EFEMP1: variants seen among roughly 807,000 people sequenced by gnomAD.
EFEMP1 encodes EGF-containing fibulin-like extracellular matrix protein 1.
In EFEMP1, 18 loss-of-function variants were observed where a neutral mutation model predicts 65.7. The ratio of observed to expected loss-of-function variants is 0.27; its 90% CI spans 0.19 to 0.41. The LOEUF is 0.41. EFEMP1 is among the 10% of genes least tolerant of loss of function. The pLI is 1.00. For synonymous variants in EFEMP1, 237 were observed against 219.7 expected (o/e 1.08, Z -0.70); for missense variants, 469 against 624.8 (o/e 0.75, Z 2.66).
At chr2:55,874,655 T>C (rs55818621) in intron 9 of EFEMP1, among the ~76,000 whole-genome samples, 4,382 of 152,124 alleles carry the variant, frequency 0.029, 123 homozygotes, top group South Asian at 0.14. Flanking sequence ...CTGAATCTTT[T>C]CCAGTGGATG....
At chr2:55,901,074 G>C (rs1354971166) in intron 5 of EFEMP1, among the ~76,000 whole-genome samples, 1 of 152,188 alleles carries the variant, frequency 6.6e-6, no homozygotes, top group Non-Finnish European at 1.5e-5. Flanking sequence ...TAAACATAAA[G>C]GTGATGATTC....
rs1670942627 is a variant in EFEMP1, at chr2:55,922,573, C to T, written c.-7-126G>A. The T allele has an allele frequency of 4.6e-6, 4 of 867,650 alleles. No individual in the cohort carries two copies. The East Asian group carries it at 7.9e-5, about 17-fold the overall frequency. 53.7% of individuals were successfully genotyped at this position (867,650 alleles called of 1,614,324 possible). ...GCTGAGGCTCCACCATACTCAACTT[C>T]CAATCTGCTTTCTCATCTCCCCTCC... On this transcript the variant is annotated intron_variant, in intron 2 of 11. Transcript: ENST00000355426. This position sits in a 1 kb window ranked among gnomAD's most constrained non-coding sequence, Gnocchi z 5.5.
Position 55,903,418 on chromosome 2 carries a change from T to C in EFEMP1, c.517+14247A>G, listed in dbSNP as rs181933603. Reference sequence around the variant, plus strand: ...GAAGATGAAGAATCCATTAGACATATCAGTTTCTTGGTAGGAAGGATACTG... The same window carrying C: ...GAAGATGAAGAATCCATTAGACATACCAGTTTCTTGGTAGGAAGGATACTG... On this transcript the variant is annotated intron_variant, in intron 5 of 11. Transcript: ENST00000355426. Among the ~76,000 whole-genome samples, 306 of 152,314 alleles carry C rather than the reference T, an allele frequency of 2.0e-3. 3 individuals carry two copies. The highest frequency in any genetic ancestry group is 1.0e-3 in the Non-Finnish European group (68 of 68,028).
rs1016902212 is a variant in EFEMP1 at position 55,921,694 on chromosome 2, C to T, written c.81+666G>A. ...AATATTTTATTAAACATTGGTTACA[C>T]CTATGCAACTAACTAATCAAATATT... On this transcript the variant is annotated intron_variant, in intron 3 of 11. Transcript: ENST00000355426. This position sits in a 1 kb window ranked among gnomAD's most constrained non-coding sequence, Gnocchi z 4.1. Among the ~76,000 whole-genome samples, 2 of 152,166 alleles carry T rather than the reference C, an allele frequency of 1.3e-5. No homozygotes were observed. Among genetic ancestry groups the T allele is most frequent in the Non-Finnish European group, 2.9e-5 (2 of 68,038 alleles).
rs563028346 is a variant in EFEMP1, at chr2:55,912,239, C to T, written c.517+5426G>A. Among the ~76,000 whole-genome samples the T allele has an allele frequency of 2.1e-4, 32 of 152,154 alleles. No individual in the cohort carries two copies. The South Asian group carries it at 6.4e-3, about 31-fold the overall frequency. On this transcript the variant is annotated intron_variant, in intron 5 of 11. Coordinates refer to ENST00000355426, the MANE Select transcript of EFEMP1 (RefSeq NM_001039348.3). ...TCTGAGATCACAGGTCTTCACTGGG[C>T]TGTATAATTATATGGAAGAAAAATT...
At position 55,871,135 on chromosome 2, in the gene EFEMP1, T is replaced by C. The variant is rs771729716; in HGVS notation, c.1001-12A>G. 9 of 1,613,382 alleles carry C rather than the reference T, an allele frequency of 5.6e-6. No homozygotes were observed. The highest frequency in any genetic ancestry group is 7.6e-6 in the Non-Finnish European group (9 of 1,179,544). On this transcript the variant is annotated splice_polypyrimidine_tract_variant and intron_variant, in intron 9 of 11. Transcript: ENST00000355426. The surrounding 1 kb of genome is among the most constrained non-coding windows in gnomAD (Gnocchi z 4.2). ...ACACTCATTTATATCTGTAGAGATG[T>C]AGGGTCAAAGAGTTTACTAACTAAA...
At chr2:55,872,740 T>C (rs995011977) in intron 9 of EFEMP1, among the ~76,000 whole-genome samples, 18 of 152,142 alleles carry the variant, frequency 1.2e-4, no homozygotes, top group Admixed American at 1.2e-3. Context: ...AAAAAGTGTC[T>C]TCTTGGGCTG....
intron 6 of EFEMP1, among the ~76,000 whole-genome samples, chr2:55,880,949 C>T (rs1669215783): frequency 6.6e-6 from 1 of 152,196 alleles, no homozygotes; most frequent in Non-Finnish European, 1.5e-5. Context: ...TTAGGCCCTC[C>T]AGCAGAGGCA....
intron 5 of EFEMP1, among the ~76,000 whole-genome samples, chr2:55,907,971 T>C (rs1433131666): frequency 1.3e-5 from 2 of 152,218 alleles, no homozygotes; most frequent in African/African-American, 4.8e-5. Flanking sequence ...TACGTCACTC[T>C]TATTTCACCT....
chr2:55,905,071 A>G (rs1670201434), intron 5 of EFEMP1, among the ~76,000 whole-genome samples: 1 of 146,430 alleles, frequency 6.8e-6, no homozygotes, highest in African/African-American at 2.6e-5. Context: ...TAGGATCTCC[A>G]ACTGCAAAGG....
At position 55,870,624 on chromosome 2, in the gene EFEMP1, C is replaced by A. The variant is rs1039133013; in HGVS notation, c.1320+96G>T. 3.5e-5 allele frequency: 52 copies of A among 1,488,054 alleles called. No homozygotes were observed. Among genetic ancestry groups the A allele is most frequent in the Non-Finnish European group, 4.6e-5 (49 of 1,074,178 alleles). 92.2% of individuals were successfully genotyped at this position (1,488,054 alleles called of 1,614,324 possible). ...TAAGACACTTTAAATGTTTGCTTTC[C>A]TTCCACATGTGGATACCACACAACA... On this transcript the variant is annotated intron_variant, in intron 11 of 11. Coordinates refer to ENST00000355426, the MANE Select transcript of EFEMP1 (RefSeq NM_001039348.3). The surrounding 1 kb of genome is among the most constrained non-coding windows in gnomAD (Gnocchi z 5.8).
intron 6 of EFEMP1, among the ~76,000 whole-genome samples, chr2:55,880,484 C>T (rs1276531660): frequency 1.3e-5 from 2 of 152,192 alleles, no homozygotes; most frequent in African/African-American, 4.8e-5. Context: ...TTATAGCAAA[C>T]CCTGGGCCTT....
In EFEMP1 at chr2:55,917,761, G is replaced by C; in HGVS notation, c.421C>G (p.Arg141Gly). 1 of 1,614,154 alleles carries C rather than the reference G, an allele frequency of 6.2e-7. No homozygotes were observed. The highest frequency in any genetic ancestry group is 8.5e-7 in the Non-Finnish European group (1 of 1,180,012). The change falls in exon 5 of 12, where the codon CGG (arginine) becomes GGG (glycine). Residue 141 changes from arginine (R) to glycine (G), a missense_variant. Around this residue, in one of 3 missense-constraint regions of EFEMP1, gnomAD observed 399 missense variants for 528.2 expected, o/e 0.76. Transcript: ENST00000355426. The surrounding 1 kb of genome is among the most constrained non-coding windows in gnomAD (Gnocchi z 6.3). The part of the protein sequence containing the change: ...QTGRNNFVIR[R>G]NPADPQRIPS... ...ATGCGCTGAGGGTCAGCTGGGTTCC[G>C]CCGGATGACAAAGTTATTTCGGCCA...
At chr2:55,868,076 A>G (rs1049240939) in intron 11 of EFEMP1, among the ~76,000 whole-genome samples, 1 of 152,160 alleles carries the variant, frequency 6.6e-6, no homozygotes, top group East Asian at 1.9e-4. Flanking sequence ...CTGCTGCAGC[A>G]GTCAACATCT....
In EFEMP1 at chr2:55,876,702, C is replaced by T. The variant is rs2104383151; in HGVS notation, c.801G>A (p.Gln267=). Residue 267 remains glutamine (Q), a synonymous_variant, in exon 8 of 12, where the codon CAG becomes CAA. Coordinates refer to ENST00000355426, the MANE Select transcript of EFEMP1 (RefSeq NM_001039348.3). ...ECDASNQCAQ[Q]CYNILGSFIC... ...TGAATGAACCAAGAATGTTGTAGCA[C>T]TGCTGAGCACATTGATTGCTGGCAT... 6.2e-7 allele frequency: 1 copy of T among 1,611,360 alleles called. No homozygotes were observed. The highest frequency in any genetic ancestry group is 8.5e-7 in the Non-Finnish European group (1 of 1,178,312).
intron 5 of EFEMP1, among the ~76,000 whole-genome samples, chr2:55,903,900 T>C (rs1366184032): frequency 6.6e-6 from 1 of 152,168 alleles, no homozygotes; most frequent in Non-Finnish European, 1.5e-5. Flanking sequence ...TGATTGCTCA[T>C]TGTCCTCAAC....
At chr2:55,918,712 T>C (rs1288368853) in intron 3 of EFEMP1, among the ~76,000 whole-genome samples, 3 of 142,570 alleles carry the variant, frequency 2.1e-5, no homozygotes, top group Admixed American at 2.1e-4. Context: ...TAAATCCTCT[T>C]ACAGCATTCA....
intron 5 of EFEMP1, among the ~76,000 whole-genome samples, chr2:55,884,266 T>C: frequency 6.6e-6 from 1 of 152,256 alleles, no homozygotes; most frequent in East Asian, 1.9e-4. Context: ...TTTTGAAAAT[T>C]ATACTTTGAG....
chr2:55,918,183 G>A (rs769144558), intron 4 of EFEMP1, 36 bp downstream of exon 4: 1 of 1,613,484 alleles, frequency 6.2e-7, no homozygotes, highest in African/African-American at 1.3e-5. Flanking sequence ...GAGACAGAAG[G>A]CAATGATCAC....
Sources: allele counts gnomAD v4.1 joint callset (sites outside exome capture counted in the v4.1 genomes callset), GRCh38; gene constraint gnomAD v4.1.1; regional missense constraint gnomAD v4.1.1; non-coding constraint Gnocchi (gnomAD v3.1); transcripts MANE v1.5; gene names NCBI Gene and HGNC (gene_info 2026-07-23, HGNC 2026-07-21).